The following ROBO2 variants were observed in gnomAD, a reference collection of about 807,000 sequenced individuals.
ROBO2 encodes roundabout homolog 2.
Under a neutral mutation model 160.8 loss-of-function variants are expected in ROBO2, and 53 were observed. The ratio of observed to expected loss-of-function variants is 0.33; its 90% CI spans 0.26 to 0.41. The LOEUF (loss-of-function observed/expected upper bound fraction) is 0.41, where lower values mean the gene tolerates loss of function less well. ROBO2 is among the 10% of genes least tolerant of loss of function. The pLI, the probability that ROBO2 is intolerant of heterozygous loss-of-function variation, is 1.00. For missense variants in ROBO2, 1,577 were observed against 1,722.4 expected, an observed-to-expected ratio of 0.92 and a Z score of 1.49; for synonymous variants, 664 against 611.7, an observed-to-expected ratio of 1.09 and a Z score of -1.26.
chr3:76,784,286 A>G (rs2062837323), intron 2 of ROBO2, among the ~76,000 whole-genome samples: 1 of 151,120 alleles, frequency 6.6e-6, no homozygotes, highest in Admixed American at 6.6e-5. Context: ...AGTCAACCTG[A>G]CTAGAGGGAT....
intron 8 of ROBO2, among the ~76,000 whole-genome samples, chr3:77,555,250 A>C (rs976636587): frequency 6.6e-6 from 1 of 151,948 alleles, no homozygotes; most frequent in Non-Finnish European, 1.5e-5. Context: ...CTGGGAAAAA[A>C]AATTTGTGTG....
chr3:75,999,104 T>A (rs1018958855), intron 2 of ROBO2, among the ~76,000 whole-genome samples: 1 of 152,186 alleles, frequency 6.6e-6, no homozygotes, highest in African/African-American at 2.4e-5. Flanking sequence ...GCTGTGTGAT[T>A]TGGGTCAGGC....
At chr3:77,646,737 C>G (rs544775615) in exon 26 of ROBO2, 5 of 152,196 alleles carry the variant, frequency 3.3e-5, no homozygotes, top group African/African-American at 1.2e-4. Flanking sequence ...GTGGCTTTTA[C>G]TATTGACAAA....
intron 2 of ROBO2, among the ~76,000 whole-genome samples, chr3:76,440,155 G>A (rs185077606): frequency 1.2e-4 from 19 of 152,204 alleles, no homozygotes; most frequent in East Asian, 5.8e-4. Context: ...GGGGGAAAGC[G>A]AGAAATTCCA....
At chr3:76,798,308 GAAAGAAAA>G (rs1433822673) in intron 2 of ROBO2, among the ~76,000 whole-genome samples, 25 of 149,346 alleles carry the variant, frequency 1.7e-4, no homozygotes, top group African/African-American at 5.5e-4. Flanking sequence ...AAGAAAGAAA[GAAAGAAAA>G]AAGAACGAAT....
intron 2 of ROBO2, among the ~76,000 whole-genome samples, chr3:76,377,948 G>A (rs2076430415): frequency 6.6e-6 from 1 of 152,110 alleles, no homozygotes; most frequent in African/African-American, 2.4e-5. Flanking sequence ...CTAATGCATT[G>A]CTAGGAGCAC....
chr3:76,624,731 G>C (rs149555782), intron 2 of ROBO2, among the ~76,000 whole-genome samples: 269 of 128,966 alleles, frequency 2.1e-3, no homozygotes, highest in Non-Finnish European at 3.4e-3. Flanking sequence ...CTGGGAGGCT[G>C]AGCTTGCAGT....
intron 2 of ROBO2, among the ~76,000 whole-genome samples, chr3:76,360,782 G>A (rs7631652): frequency 0.45 from 69,043 of 151,878 alleles, 17,610 homozygotes; most frequent in East Asian, 0.66. Flanking sequence ...GCTGGAATCT[G>A]CTTTTTGCTT....
Position 76,323,729 on chromosome 3 carries a change from G to A in ROBO2, c.109+386127G>A, listed in dbSNP as rs556608034. 2.0e-5 allele frequency among the ~76,000 whole-genome samples: 3 copies of A among 152,284 alleles called. No individual in the cohort carries two copies. In the East Asian group the frequency reaches 5.8e-4, roughly 29 times the overall value. On this transcript the variant is annotated intron_variant, in intron 2 of 26. Transcript: ENST00000487694. The stretch of plus-strand genomic sequence containing the variant: ...CTGTTTCATTTGGAAATTGGTTTTT[G>A]GATTTCCACGTGGTGCATTACAAGT...
intron 2 of ROBO2, among the ~76,000 whole-genome samples, chr3:77,259,906 A>C (rs1396122675): frequency 6.6e-6 from 1 of 152,192 alleles, no homozygotes; most frequent in Non-Finnish European, 1.5e-5. Flanking sequence ...TTTTTACGGC[A>C]GCACCATCTG....
chr3:76,133,466 T>C (rs2071308615), intron 2 of ROBO2, among the ~76,000 whole-genome samples: 2 of 151,926 alleles, frequency 1.3e-5, no homozygotes, highest in South Asian at 2.1e-4. Flanking sequence ...TAGATGAATA[T>C]ATGAAAAGAA....
intron 1 of ROBO2, among the ~76,000 whole-genome samples, chr3:77,074,823 T>C (rs1192677897): frequency 1.3e-5 from 2 of 152,176 alleles, no homozygotes; most frequent in East Asian, 3.9e-4. Context: ...AAGGGCAGAA[T>C]GAGATGACGG....
At chr3:77,602,298 C>T (rs757112473) in exon 20 of ROBO2, 1 of 1,614,122 alleles carries the variant, frequency 6.2e-7, no homozygotes, top group Non-Finnish European at 8.5e-7. Flanking sequence ...ACTTCACTAC[C>T]AAAACCAGTT....
intron 2 of ROBO2, among the ~76,000 whole-genome samples, chr3:77,027,643 T>A (rs1166803470): frequency 1.3e-5 from 2 of 152,194 alleles, no homozygotes; most frequent in Non-Finnish European, 2.9e-5. Flanking sequence ...TTTATTGAAC[T>A]ACAGTAGTTA....
chr3:76,481,071 C>T (rs1048547873), intron 2 of ROBO2, among the ~76,000 whole-genome samples: 4 of 152,104 alleles, frequency 2.6e-5, no homozygotes, highest in African/African-American at 7.2e-5. Context: ...ACTAGCCATA[C>T]CCAGTGATAG....
chr3:76,575,515 G>T (rs2085231244), intron 2 of ROBO2, among the ~76,000 whole-genome samples: 1 of 151,916 alleles, frequency 6.6e-6, no homozygotes, highest in Non-Finnish European at 1.5e-5. Flanking sequence ...ATTATAAAAT[G>T]ACATTTTACT....
Position 77,557,950 on chromosome 3 carries a change from C to T in ROBO2, c.1238C>T (p.Thr413Ile), listed in dbSNP as rs199641261. Residue 413 changes from threonine (T) to isoleucine (I), a missense_variant, in exon 9 of 26, where the codon ACA becomes ATA. Thr to Ile is a moderately conservative substitution (Grantham distance 89). Coordinates refer to ENST00000461745, the Ensembl canonical transcript of ROBO2. ...AAAGAGCTTTATTCTTCAGTTTTGA[C>T]AGATAGACCTCCACCTATAATTCTA... is the stretch of plus-strand genomic sequence containing the variant. 9.7e-5 allele frequency: 157 copies of T among 1,612,632 alleles called. 1 individual carries two copies. Among genetic ancestry groups the T allele is most frequent in the African/African-American group, 4.0e-4 (30 of 74,942 alleles).
At chr3:76,173,230 A>ATG (rs1235437052) in intron 2 of ROBO2, among the ~76,000 whole-genome samples, 2 of 151,760 alleles carry the variant, frequency 1.3e-5, no homozygotes, top group East Asian at 3.9e-4. Flanking sequence ...GAGTATATAT[A>ATG]TGTGTGTGTA....
At chr3:77,160,369 T>A in intron 2 of ROBO2, among the ~76,000 whole-genome samples, 1 of 152,270 alleles carries the variant, frequency 6.6e-6, no homozygotes, top group Middle Eastern at 3.4e-3. Flanking sequence ...TGGAAAATAC[T>A]TTTTTCTTAC....
Sources: allele counts gnomAD v4.1 joint callset (sites outside exome capture counted in the v4.1 genomes callset), GRCh38; gene constraint gnomAD v4.1.1; transcripts MANE v1.5; gene names NCBI Gene and HGNC (gene_info 2026-07-23, HGNC 2026-07-21).